Variants in NMNAT2 observed in about 807,000 individuals in gnomAD.
NMNAT2 encodes nicotinamide/nicotinic acid mononucleotide adenylyltransferase 2.
A neutral mutation model predicts 41.6 loss-of-function variants in NMNAT2; 11 were observed. The ratio of observed to expected loss-of-function variants is 0.26; its 90% CI spans 0.17 to 0.44. The LOEUF (loss-of-function observed/expected upper bound fraction) is 0.44. Among genes scored for constraint, NMNAT2 ranks in the 20% least tolerant of loss-of-function variants. The probability of loss-of-function intolerance (pLI) is 1.00; values close to 1 mark genes in which losing one functional copy is unlikely to be tolerated. For synonymous variants in NMNAT2, 148 were observed against 151.2 expected, an observed-to-expected ratio of 0.98 and a Z score of 0.16; for missense variants, 288 against 407.7, an observed-to-expected ratio of 0.71 and a Z score of 2.53.
intron 1 of NMNAT2, among the ~76,000 whole-genome samples, chr1:183,387,328 G>A (rs1571632061): frequency 6.6e-6 from 1 of 150,866 alleles, no homozygotes; most frequent in Non-Finnish European, 1.5e-5. Context: ...TCCCTGTAGA[G>A]CACCTAATGG....
In NMNAT2 at chr1:183,385,195, CTG is replaced by C. The variant is rs540608486; in HGVS notation, c.85+32986_85+32987del. ...CCAATCTGGGTAACAGAGTGAGACT[CTG>C]TCTCTAAAAAAAACAACAAAATATG... is the stretch of plus-strand genomic sequence containing the variant. On this transcript the variant is annotated intron_variant, in intron 1 of 10. Transcript: ENST00000287713. Among the ~76,000 whole-genome samples, 186 of 151,934 alleles carry C rather than the reference CTG, an allele frequency of 1.2e-3. 1 individual carries two copies. Among genetic ancestry groups the C allele is most frequent in the African/African-American group, 4.4e-3 (183 of 41,340 alleles).
intron 1 of NMNAT2, among the ~76,000 whole-genome samples, chr1:183,322,107 G>A (rs1444732953): frequency 1.3e-5 from 2 of 151,968 alleles, no homozygotes; most frequent in Admixed American, 6.6e-5. Flanking sequence ...TTATAGACAT[G>A]AGCCACCGCA....
At chr1:183,357,098 G>C (rs560130921) in intron 1 of NMNAT2, among the ~76,000 whole-genome samples, 3 of 152,126 alleles carry the variant, frequency 2.0e-5, no homozygotes, top group Non-Finnish European at 2.9e-5. Flanking sequence ...ATGGTGAGGT[G>C]GGGGGCAGAA....
intron 1 of NMNAT2, among the ~76,000 whole-genome samples, chr1:183,393,315 G>A (rs1287160038): frequency 2.6e-5 from 4 of 152,150 alleles, no homozygotes; most frequent in Non-Finnish European, 5.9e-5. Context: ...AAATAGGGCA[G>A]ATGGTGCCAA....
chr1:183,364,670 A>T (rs2788059), intron 1 of NMNAT2, among the ~76,000 whole-genome samples: 80,854 of 147,120 alleles, frequency 0.55, 22,589 homozygotes, highest in East Asian at 0.69. Flanking sequence ...TTTCTTTCTT[A>T]CTTTCTTTCT....
chr1:183,374,883 G>A (rs1663637431), intron 1 of NMNAT2, among the ~76,000 whole-genome samples: 1 of 152,182 alleles, frequency 6.6e-6, no homozygotes, highest in Admixed American at 6.5e-5. Flanking sequence ...TTGGAACAAT[G>A]CAACTGGAAG....
chr1:183,369,317 G>GC, intron 1 of NMNAT2, among the ~76,000 whole-genome samples: 1 of 139,996 alleles, frequency 7.1e-6, no homozygotes, highest in Admixed American at 7.6e-5. Flanking sequence ...TTGCTCTGTT[G>GC]CCAGGCTGGA....
At chr1:183,352,146 G>C (rs1385060933) in intron 1 of NMNAT2, among the ~76,000 whole-genome samples, 1 of 152,074 alleles carries the variant, frequency 6.6e-6, no homozygotes, top group Non-Finnish European at 1.5e-5. Flanking sequence ...AGCTCATCAG[G>C]GGTTTCTCTT....
At chr1:183,401,474 A>AG in intron 1 of NMNAT2, among the ~76,000 whole-genome samples, 1 of 152,358 alleles carries the variant, frequency 6.6e-6, no homozygotes, top group South Asian at 2.1e-4. Flanking sequence ...GTGGGACTGT[A>AG]AACTAGTTCA....
chr1:183,378,172 A>G (rs936580296), intron 1 of NMNAT2, among the ~76,000 whole-genome samples: 3 of 151,964 alleles, frequency 2.0e-5, no homozygotes, highest in East Asian at 1.9e-4. Flanking sequence ...TGTGCAGGTC[A>G]CCTGAGGTCA....
At position 183,357,219 on chromosome 1, in the gene NMNAT2, CTTTTTTTT is replaced by C. The variant is rs11343113; in HGVS notation, c.85+60956_85+60963del. On this transcript the variant is annotated intron_variant, in intron 1 of 10. Coordinates refer to ENST00000287713, the MANE Select transcript of NMNAT2 (RefSeq NM_015039.4). ...GCTCAGGGAAGAGAGACATCAAATT[CTTTTTTTT>C]TTTTTTTTTTTTTTTTTTTTGAGAG... 2.7e-3 allele frequency among the ~76,000 whole-genome samples: 191 copies of C among 71,606 alleles called. 1 individual carries two copies. The highest frequency in any genetic ancestry group is 4.1e-3 in the Admixed American group (25 of 6,060). The allele number at this position is 71,606 out of a possible 152,430, so 47.0% of individuals were successfully genotyped here.
chr1:183,253,939 GTGTGTA>G (rs1445390642), intron 10 of NMNAT2, among the ~76,000 whole-genome samples: 1 of 148,390 alleles, frequency 6.7e-6, no homozygotes, highest in Non-Finnish European at 1.5e-5. Context: ...GTGTGTGTGT[GTGTGTA>G]TGTGTGTGTG....
At chr1:183,371,252 G>A (rs1663534401) in intron 1 of NMNAT2, among the ~76,000 whole-genome samples, 1 of 152,182 alleles carries the variant, frequency 6.6e-6, no homozygotes, top group South Asian at 2.1e-4. Context: ...CCAATGATAG[G>A]ACATTTTGAA....
At chr1:183,350,018 C>G (rs1458623577) in intron 1 of NMNAT2, among the ~76,000 whole-genome samples, 1 of 152,166 alleles carries the variant, frequency 6.6e-6, no homozygotes, top group East Asian at 1.9e-4. Flanking sequence ...GCTGTGTAAC[C>G]TTGCCCTACC....
Position 183,389,812 on chromosome 1 carries a change from GAAAGAAAGAAAGAAAGAAAGAAAGAAAGA to G in NMNAT2, c.85+28342_85+28370del, listed in dbSNP as rs1557897683. Among the ~76,000 whole-genome samples the G allele has an allele frequency of 5.6e-4, 34 of 60,754 alleles. 6 individuals are homozygous for G. The highest frequency in any genetic ancestry group is 7.7e-4 in the African/African-American group (14 of 18,200). The allele number at this position is 60,754 out of a possible 152,430, so 39.9% of individuals were successfully genotyped here. Reference sequence around the variant, plus strand: ...AGAAAGAAAGAAAGAAAGAAAGAAAGAAAGAAAGAAAGAAAGAAAGAAAGAAAGAAAGGAAAAAAGAGAAAGAAAGAAAG... The same window carrying G: ...AGAAAGAAAGAAAGAAAGAAAGAAAGAAGGAAAAAAGAGAAAGAAAGAAAG... On this transcript the variant is annotated intron_variant, in intron 1 of 10. Coordinates refer to ENST00000287713, the MANE Select transcript of NMNAT2 (RefSeq NM_015039.4).
chr1:183,268,477 G>A (rs1269936363), intron 8 of NMNAT2, among the ~76,000 whole-genome samples: 4 of 152,260 alleles, frequency 2.6e-5, no homozygotes, highest in South Asian at 4.1e-4. Context: ...GGTTACTACC[G>A]GGTGGCTAAT....
intron 1 of NMNAT2, among the ~76,000 whole-genome samples, chr1:183,295,979 G>A (rs1287870217): frequency 6.6e-6 from 1 of 152,076 alleles, no homozygotes; most frequent in East Asian, 1.9e-4. Context: ...CTCCCAAGTA[G>A]TTGGGATTAC....
chr1:183,357,551 A>G (rs1284650137), intron 1 of NMNAT2, among the ~76,000 whole-genome samples: 1 of 152,056 alleles, frequency 6.6e-6, no homozygotes, highest in Admixed American at 6.6e-5. Flanking sequence ...ATTCAATAGA[A>G]CATCTCATCT....
At chr1:183,384,846 G>C (rs1648149012) in intron 1 of NMNAT2, among the ~76,000 whole-genome samples, 1 of 152,112 alleles carries the variant, frequency 6.6e-6, no homozygotes, top group African/African-American at 2.4e-5. Flanking sequence ...GTATAACTGA[G>C]TAGAGTGCTG....
Sources: gnomAD v4.1 joint callset for allele counts (sites outside exome capture counted in the v4.1 genomes callset) on GRCh38, gnomAD v4.1.1 for gene constraint, MANE v1.5 for transcripts, NCBI Gene and HGNC (gene_info 2026-07-23, HGNC 2026-07-21) for gene names.